Variants in PHIP observed in about 807,000 individuals in gnomAD.
PHIP encodes the protein PHIP subunit of CUL4-Ring ligase complex.
PHIP carries 54 observed loss-of-function variants against 236.8 expected under a neutral mutation model. That is an observed-to-expected ratio of 0.23 (90% CI 0.18 to 0.29). The LOEUF is 0.29. Ranked by LOEUF, PHIP falls within the 10% of genes least tolerant of loss-of-function variation. The probability of loss-of-function intolerance (pLI) is 1.00; values close to 1 mark genes in which losing one functional copy is unlikely to be tolerated. For synonymous variants in PHIP, 756 were observed against 718.9 expected (o/e 1.05, Z -0.83); for missense variants, 1,370 against 2,190.8 (o/e 0.63, Z 7.48).
At chr6:78,992,123 C>T (rs754786570) in intron 19 of PHIP, among the ~76,000 whole-genome samples, 29 of 151,676 alleles carry the variant, frequency 1.9e-4, no homozygotes, top group Non-Finnish European at 3.1e-4. Flanking sequence ...CCACCTCGCC[C>T]GGCTAATTTT....
intron 6 of PHIP, among the ~76,000 whole-genome samples, chr6:79,046,694 T>C (rs537429888): frequency 4.6e-5 from 7 of 152,136 alleles, no homozygotes; most frequent in Admixed American, 4.6e-4. Context: ...CTGGCCAACA[T>C]GGTGAAACCC....
At chr6:79,047,519 G>T (rs1772563143) in intron 6 of PHIP, among the ~76,000 whole-genome samples, 1 of 152,134 alleles carries the variant, frequency 6.6e-6, no homozygotes, top group Non-Finnish European at 1.5e-5. Flanking sequence ...CAGCTATGTT[G>T]TATTCCTTAA....
In PHIP at chr6:78,990,919, T is replaced by C; in HGVS notation, c.2268A>G (p.Lys756=). ...CTTTTGGAACAGTTAAGTGTTTTCT[T>C]TTCTCTTCTGACCTGTAAGTCTTTA... ...EEIKTYRSEE[K]RKHLTVPKEN... Residue 756 remains lysine, a synonymous_variant, in exon 20 of 40, where the codon AAA becomes AAG. Coordinates refer to ENST00000275034, the MANE Select transcript of PHIP (RefSeq NM_017934.7). 1 of 1,611,170 alleles carries C rather than the reference T, an allele frequency of 6.2e-7. No homozygotes were observed. Among genetic ancestry groups the C allele is most frequent in the Non-Finnish European group, 8.5e-7 (1 of 1,177,708 alleles).
At chr6:79,074,513 C>T (rs995310516) in intron 4 of PHIP, among the ~76,000 whole-genome samples, 7 of 151,966 alleles carry the variant, frequency 4.6e-5, no homozygotes, top group African/African-American at 1.7e-4. Context: ...GGAAAAAGTG[C>T]CCCTTTTCTT....
At chr6:79,015,270 A>G (rs553527207) in intron 14 of PHIP, 54 bp from the exon 15 acceptor site, 2 of 1,418,464 alleles carry the variant, frequency 1.4e-6, no homozygotes, top group East Asian at 2.3e-5. Context: ...AGAAAGAAAA[A>G]CAAACATAAT....
At chr6:78,945,564 C>T (rs1191201789) in intron 38 of PHIP, 67 bp from the exon 39 acceptor site, 1 of 997,310 alleles carries the variant, frequency 1.0e-6, no homozygotes, top group Non-Finnish European at 1.5e-6. Flanking sequence ...AAAAGGTTAA[C>T]CTGAATTATT....
chr6:79,035,568 G>C (rs1356964412), intron 7 of PHIP, among the ~76,000 whole-genome samples: 1 of 152,144 alleles, frequency 6.6e-6, no homozygotes, highest in Non-Finnish European at 1.5e-5. Flanking sequence ...GGCATTCCTT[G>C]AAAACCTACT....
intron 35 of PHIP, among the ~76,000 whole-genome samples, chr6:78,948,137 T>C (rs1324106369): frequency 6.6e-6 from 1 of 152,124 alleles, no homozygotes; most frequent in Admixed American, 6.5e-5. Context: ...TACTTATAAA[T>C]TCTAAAGGTC....
At chr6:79,013,113 A>C (rs1770671322) in intron 15 of PHIP, among the ~76,000 whole-genome samples, 1 of 148,220 alleles carries the variant, frequency 6.7e-6, no homozygotes, top group Admixed American at 6.6e-5. Context: ...AAATTGGGGC[A>C]AAGCACTTTA....
rs1245302885 is a variant in PHIP at position 78,975,505 on chromosome 6, T to G, written c.2889+3087A>C. Reference sequence around the variant, plus strand: ...CTCTCACCACTCCTATTCAACATAGTGATGGAAGTTCTGGCCAGGGCAATT... The same window carrying G: ...CTCTCACCACTCCTATTCAACATAGGGATGGAAGTTCTGGCCAGGGCAATT... On this transcript the variant is annotated intron_variant, in intron 24 of 39. Coordinates refer to ENST00000275034, the MANE Select transcript of PHIP (RefSeq NM_017934.7). 4.6e-5 allele frequency among the ~76,000 whole-genome samples: 7 copies of G among 152,212 alleles called. No homozygotes were observed. In the East Asian group the frequency reaches 1.2e-3, roughly 25 times the overall value.
chr6:79,074,113 C>T (rs1774026538), intron 4 of PHIP, among the ~76,000 whole-genome samples: 1 of 152,032 alleles, frequency 6.6e-6, no homozygotes, highest in Admixed American at 6.5e-5. Flanking sequence ...TCTCCTGACT[C>T]CCAATCCTTT....
chr6:79,009,739 G>T (rs150122820), intron 15 of PHIP, among the ~76,000 whole-genome samples: 2 of 151,940 alleles, frequency 1.3e-5, no homozygotes, highest in Non-Finnish European at 2.9e-5. Context: ...CCTTGTGATA[G>T]CAAGTCATGG....
At chr6:78,961,576 A>G (rs1354839164) in intron 31 of PHIP, 114 bp downstream of exon 31, 1 of 953,392 alleles carries the variant, frequency 1.0e-6, no homozygotes, top group African/African-American at 1.7e-5. Context: ...TAATCCCCAT[A>G]ATCTTATGTG....
Position 79,077,892 on chromosome 6 carries a change from C to T in PHIP, c.62G>A (p.Arg21Gln). Residue 21 changes from arginine to glutamine, a missense_variant, in exon 2 of 40, where the codon CGG (arginine) becomes CAG (glutamine). By Grantham distance (43) the Arg-to-Gln change is conservative. This residue lies in a region of PHIP where 43 missense variants were observed against 53.8 expected (regional missense o/e 0.80). Transcript: ENST00000275034. ...CTGACAGGGTCCATCTTCCAGGAAC[C>T]GGGCGATGAGGAAGTAGAGCTCTGC... ...LRSELYFLIA[R>Q]FLEDGPCQQA... The T allele has an allele frequency of 6.3e-7, 1 of 1,590,204 alleles. No homozygotes were observed. Among genetic ancestry groups the T allele is most frequent in the East Asian group, 2.3e-5 (1 of 43,514 alleles).
intron 4 of PHIP, among the ~76,000 whole-genome samples, chr6:79,061,233 C>T (rs1773359616): frequency 1.3e-5 from 2 of 152,194 alleles, no homozygotes; most frequent in South Asian, 4.1e-4. Flanking sequence ...AAACAATATT[C>T]ACTATCTAAA....
chr6:79,055,754 A>G (rs914300884), intron 6 of PHIP, among the ~76,000 whole-genome samples: 4 of 152,248 alleles, frequency 2.6e-5, no homozygotes, highest in Non-Finnish European at 4.4e-5. Context: ...TAATAAAATA[A>G]AACAGGATAA....
Position 79,060,460 on chromosome 6 carries a change from T to C in PHIP, c.439+18A>G. On this transcript the variant is annotated intron_variant, in intron 6 of 39. Coordinates refer to ENST00000275034, the MANE Select transcript of PHIP (RefSeq NM_017934.7). ...TTACCAAGAGGCTATTAACTACTAG[T>C]GAACTCAAACAACTCACCAATGCTG... 6.4e-7 allele frequency: 1 copy of C among 1,573,348 alleles called. No individual in the cohort carries two copies. Among genetic ancestry groups the C allele is most frequent in the Non-Finnish European group, 8.7e-7 (1 of 1,149,854 alleles).
At chr6:79,024,871 C>T (rs1432319793) in intron 9 of PHIP, among the ~76,000 whole-genome samples, 1 of 152,092 alleles carries the variant, frequency 6.6e-6, no homozygotes, top group African/African-American at 2.4e-5. Flanking sequence ...CAGAGAAGTG[C>T]TCTAGTCCTG....
intron 24 of PHIP, among the ~76,000 whole-genome samples, chr6:78,973,980 T>C (rs570674011): frequency 1.3e-5 from 2 of 151,924 alleles, no homozygotes; most frequent in South Asian, 2.1e-4. Context: ...GACAGAAAGT[T>C]AACAAGGATA....
Sources: allele counts gnomAD v4.1 joint callset (sites outside exome capture counted in the v4.1 genomes callset), GRCh38; gene constraint gnomAD v4.1.1; regional missense constraint gnomAD v4.1.1; transcripts MANE v1.5; gene names NCBI Gene and HGNC (gene_info 2026-07-23, HGNC 2026-07-21).